The following RANBP2 variants were observed in gnomAD, a reference collection of about 807,000 sequenced individuals.
The protein encoded by RANBP2 is RAN binding protein 2, also known as E3 SUMO-protein ligase RanBP2.
Under a neutral mutation model 303.6 loss-of-function variants are expected in RANBP2, and 57 were observed. The observed-to-expected ratio is 0.19, with a 90% CI of 0.15 to 0.23. RANBP2 has a LOEUF of 0.23. Among genes scored for constraint, RANBP2 ranks in the 10% least tolerant of loss-of-function variants. The probability of loss-of-function intolerance (pLI) is 1.00; values close to 1 mark genes in which losing one functional copy is unlikely to be tolerated. For missense variants in RANBP2, 3,138 were observed against 3,780.8 expected (o/e 0.83, Z 4.46); for synonymous variants, 1,167 against 1,301.5 (o/e 0.90, Z 2.23).
At chr2:109,546,227 T>C in the RANBP2 span, 3 of 1,551,012 alleles carry the variant, frequency 1.9e-6, no homozygotes, top group South Asian at 1.2e-5. Flanking sequence ...GTGCTCAAAT[T>C]TGGCCTGTAG....
At chr2:109,335,749 G>T in the RANBP2 span, among the ~76,000 whole-genome samples, 1 of 152,114 alleles carries the variant, frequency 6.6e-6, no homozygotes, top group African/African-American at 2.4e-5. Flanking sequence ...ACAAGTAACG[G>T]GCACTCATTC....
chr2:109,603,719 A>G, the RANBP2 span, among the ~76,000 whole-genome samples: 1 of 152,196 alleles, frequency 6.6e-6, no homozygotes, highest in Admixed American at 6.5e-5. Context: ...ACATAGTCAG[A>G]GAAAGCACTG....
At chr2:109,518,555 C>T in the RANBP2 span, among the ~76,000 whole-genome samples, 1 of 152,182 alleles carries the variant, frequency 6.6e-6, no homozygotes, top group Admixed American at 6.5e-5. Context: ...AGAACCATTG[C>T]CTTGTTGCTT....
At chr2:108,793,153 C>A in the RANBP2 span, among the ~76,000 whole-genome samples, 2 of 150,890 alleles carry the variant, frequency 1.3e-5, no homozygotes, top group Non-Finnish European at 2.9e-5. Context: ...GTCAGGAGAT[C>A]CAGACCATCC....
At chr2:108,769,831 A>C (rs1677373537) in intron 20 of RANBP2, among the ~76,000 whole-genome samples, 1 of 151,832 alleles carries the variant, frequency 6.6e-6, no homozygotes, top group Non-Finnish European at 1.5e-5. Context: ...CTAGAGTGGA[A>C]CAAGAAGTGG....
At chr2:108,814,881 C>G in the RANBP2 span, among the ~76,000 whole-genome samples, 725 of 152,084 alleles carry the variant, frequency 4.8e-3, 5 homozygotes, top group Admixed American at 0.01. Flanking sequence ...GGTGATCCAC[C>G]TGCCTCTGCC....
At chr2:109,157,200 A>T in the RANBP2 span, among the ~76,000 whole-genome samples, 4 of 152,068 alleles carry the variant, frequency 2.6e-5, no homozygotes, top group Non-Finnish European at 5.9e-5. Flanking sequence ...TTGACTGGGG[A>T]TATTCACCGT....
the RANBP2 span, among the ~76,000 whole-genome samples, chr2:109,608,561 C>A: frequency 1.3e-5 from 2 of 152,152 alleles, no homozygotes; most frequent in Non-Finnish European, 2.9e-5. Flanking sequence ...GGAGCCCATC[C>A]TACCTGGCAC....
chr2:109,294,114 C>T, the RANBP2 span, among the ~76,000 whole-genome samples: 2 of 152,208 alleles, frequency 1.3e-5, no homozygotes, highest in Non-Finnish European at 2.9e-5. Context: ...TTTATGATTG[C>T]TCCTTGGGCC....
At chr2:108,831,523 A>G in the RANBP2 span, among the ~76,000 whole-genome samples, 2 of 152,350 alleles carry the variant, frequency 1.3e-5, no homozygotes, top group Admixed American at 6.5e-5. Context: ...TCATGAAAAT[A>G]TGAAATGGCT....
the RANBP2 span, among the ~76,000 whole-genome samples, chr2:109,174,982 C>T: frequency 2.6e-5 from 4 of 152,110 alleles, no homozygotes; most frequent in Non-Finnish European, 4.4e-5. Flanking sequence ...TGATTTATAC[C>T]TTTTTCCAAA....
At chr2:109,605,656 T>C in the RANBP2 span, 1 of 152,166 alleles carries the variant, frequency 6.6e-6, no homozygotes, top group East Asian at 1.9e-4. Flanking sequence ...AAAAAGAAAA[T>C]ATATAGCAAA....
chr2:109,146,894 C>G, the RANBP2 span, among the ~76,000 whole-genome samples: 1 of 99,030 alleles, frequency 1.0e-5, no homozygotes, highest in African/African-American at 3.9e-5. Context: ...CTCCCCCCCC[C>G]CCCCCCCGCC....
the RANBP2 span, among the ~76,000 whole-genome samples, chr2:109,367,271 T>C: frequency 1.3e-5 from 2 of 151,870 alleles, no homozygotes; most frequent in East Asian, 1.9e-4. Context: ...TCTTGTTTTC[T>C]GAATTTTTTA....
chr2:109,305,725 G>A, the RANBP2 span, among the ~76,000 whole-genome samples: 44 of 152,354 alleles, frequency 2.9e-4, no homozygotes, highest in South Asian at 7.0e-3. Flanking sequence ...GCTACAATGC[G>A]GGAGGACGCA....
At chr2:108,843,871 TG>T in the RANBP2 span, among the ~76,000 whole-genome samples, 1,223 of 134,166 alleles carry the variant, frequency 9.1e-3, 39 homozygotes, top group Middle Eastern at 0.028. Flanking sequence ...TGTGTGTGTG[TG>T]TGTGTGTTTC....
chr2:109,259,285 A>G, the RANBP2 span, among the ~76,000 whole-genome samples: 4 of 152,178 alleles, frequency 2.6e-5, no homozygotes, highest in Non-Finnish European at 5.9e-5. Flanking sequence ...CTCCTGAACA[A>G]CTGGCTCTGA....
At chr2:109,249,130 C>G in the RANBP2 span, among the ~76,000 whole-genome samples, 1 of 152,226 alleles carries the variant, frequency 6.6e-6, no homozygotes, top group Non-Finnish European at 1.5e-5. Flanking sequence ...ATTTCCCTGT[C>G]TTGGCCTCTC....
the RANBP2 span, among the ~76,000 whole-genome samples, chr2:109,056,257 C>T: frequency 1.3e-5 from 2 of 152,148 alleles, no homozygotes; most frequent in South Asian, 4.1e-4. Context: ...ATCTTGAACT[C>T]CTGAGCCAAA....
Sources: allele counts gnomAD v4.1 joint callset (sites outside exome capture counted in the v4.1 genomes callset), GRCh38; gene constraint gnomAD v4.1.1; transcripts MANE v1.5; gene names NCBI Gene and HGNC (gene_info 2026-07-23, HGNC 2026-07-21).